Variants in F10 observed in about 807,000 individuals in gnomAD.
F10 encodes the protein Stuart-Prower factor.
In F10, 29 loss-of-function variants were observed where a neutral mutation model predicts 37.1. The observed-to-expected ratio is 0.78, with a 90% confidence interval of 0.58 to 1.07. The LOEUF is 1.07. F10 is among the 50% of genes least tolerant of loss of function. The pLI is 0.00. For synonymous variants in F10, 262 were observed against 268.6 expected (o/e 0.98, Z 0.24); for missense variants, 539 against 667.9 (o/e 0.81, Z 2.13).
At position 113,147,442 on chromosome 13, in the gene F10, A is replaced by G; in HGVS notation, c.811A>G (p.Ile271Val). Reference protein sequence around the residue: ...CGGTILSEFYILTAAHCLYQA... With the variant: ...CGGTILSEFYVLTAAHCLYQA... Reference sequence around the variant, plus strand: ...TGGAACCATTCTGAGCGAGTTCTACATCCTAACGGCAGCCCACTGTCTCTA... The same window carrying G: ...TGGAACCATTCTGAGCGAGTTCTACGTCCTAACGGCAGCCCACTGTCTCTA... The change falls in exon 7 of 8, where the codon ATC becomes GTC. Residue 271 changes from isoleucine (I) to valine (V), a missense_variant. Ile to Val is a conservative substitution (Grantham distance 29). Coordinates refer to ENST00000375559, the MANE Select transcript of F10 (RefSeq NM_000504.4). 5.0e-6 allele frequency: 8 copies of G among 1,614,066 alleles called. No homozygotes were observed. Among genetic ancestry groups the G allele is most frequent in the Non-Finnish European group, 5.9e-6 (7 of 1,179,898 alleles).
chr13:113,123,399 G>A (rs1440586294), intron 1 of F10, among the ~76,000 whole-genome samples: 5 of 152,176 alleles, frequency 3.3e-5, no homozygotes, highest in South Asian at 2.1e-4. Flanking sequence ...CACCACTCTC[G>A]GACTGGCTCC....
chr13:113,143,993 C>T lies in F10; in HGVS notation c.645C>T (p.Phe215=), dbSNP rs755257242. The change falls in exon 6 of 8, where the codon TTC becomes TTT. Residue 215 remains phenylalanine, a synonymous_variant. Transcript: ENST00000375559. The surrounding 1 kb of genome is among the most constrained non-coding windows in gnomAD (Gnocchi z 6.8). ...ACCTGGACCCCACCGAGAACCCCTT[C>T]GACCTGCTTGACTTCAACCAGACGC... ...AADLDPTENP[F]DLLDFNQTQP... The T allele has an allele frequency of 3.3e-5, 53 of 1,613,592 alleles. No homozygotes were observed. In the East Asian group the frequency reaches 8.2e-4, roughly 25 times the overall value.
Position 113,141,148 on chromosome 13 carries a change from C to A in F10, c.502+98C>A, listed in dbSNP as rs1156702275. The stretch of plus-strand genomic sequence containing the variant: ...GGTGGGGACACAGGCATGTTCTGGG[C>A]GGGCCTGGCAGGTAACAGTGACACC... On this transcript the variant is annotated intron_variant, in intron 5 of 7. Transcript: ENST00000375559. This position sits in a 1 kb window ranked among gnomAD's most constrained non-coding sequence, Gnocchi z 5.4. 6.4e-7 allele frequency: 1 copy of A among 1,550,502 alleles called. No homozygotes were observed. The highest frequency in any genetic ancestry group is 8.7e-7 in the Non-Finnish European group (1 of 1,146,134).
intron 1 of F10, among the ~76,000 whole-genome samples, chr13:113,125,614 A>C (rs923859655): frequency 1.3e-5 from 2 of 152,250 alleles, no homozygotes; most frequent in African/African-American, 4.8e-5. Flanking sequence ...CATTTTACTC[A>C]CATCAGAAAG....
In F10 at chr13:113,139,873, A is replaced by C. The variant is rs1052615437; in HGVS notation, c.370+403A>C. ...AATCACCTCTTATTTATGTGTATGG[A>C]TGCAGGTGTCAATATTTGTGAATAT... On this transcript the variant is annotated intron_variant, in intron 4 of 7. Transcript: ENST00000375559. The surrounding 1 kb of genome is among the most constrained non-coding windows in gnomAD (Gnocchi z 5.2). 7.2e-5 allele frequency among the ~76,000 whole-genome samples: 11 copies of C among 152,096 alleles called. No homozygotes were observed. The highest frequency in any genetic ancestry group is 2.7e-4 in the African/African-American group (11 of 41,400).
rs765916051 is a variant in F10, at chr13:113,122,812, C to A, written c.-44C>A. 2.1e-5 allele frequency: 34 copies of A among 1,601,034 alleles called. No individual in the cohort carries two copies. Among genetic ancestry groups the A allele is most frequent in the Non-Finnish European group, 2.6e-5 (31 of 1,175,898 alleles). On this transcript the variant is annotated 5_prime_UTR_variant, in exon 1 of 8. Transcript: ENST00000375559. The stretch of plus-strand genomic sequence containing the variant: ...AGCTGGGGCGTGGACTTTGCTCCAG[C>A]AGCCTGTCCCAGTGAGGACAGGGAC...
chr13:113,129,985 C>CGCCCGCA lies in F10; in HGVS notation c.231+380_231+386dup, dbSNP rs1237466683. ...AGTGAGCTGAGATCGTGCCCTCCCA[C>CGCCCGCA]GCCCGCAGCCCGCGTCCTGCCTTGG... On this transcript the variant is annotated intron_variant, in intron 2 of 7. Coordinates refer to ENST00000375559, the MANE Select transcript of F10 (RefSeq NM_000504.4). The CGCCCGCA allele has an allele frequency of 1.2e-5, 4 of 341,390 alleles. No homozygotes were observed. The Admixed American group carries it at 1.6e-4, about 14-fold the overall frequency. The allele number at this position is 341,390 out of a possible 1,614,324, so 21.1% of individuals were successfully genotyped here.
chr13:113,127,484 G>C (rs564869605), intron 1 of F10, among the ~76,000 whole-genome samples: 2 of 152,332 alleles, frequency 1.3e-5, no homozygotes, highest in East Asian at 3.9e-4. Flanking sequence ...CTGTCAAAAT[G>C]AAAAGAGGAG....
At chr13:113,129,404 TG>T in intron 1 of F10, 47 bp from the exon 2 acceptor site, 1 of 1,611,590 alleles carries the variant, frequency 6.2e-7, no homozygotes, top group Non-Finnish European at 8.5e-7. Context: ...AGGGGGAGCC[TG>T]GGTGAGGGTG....
At chr13:113,131,681 T>C (rs1243506501) in intron 2 of F10, 3 of 152,250 alleles carry the variant, frequency 2.0e-5, no homozygotes, top group Admixed American at 1.3e-4. Context: ...CCCACATTTA[T>C]CTGTTATCAC....
intron 2 of F10, among the ~76,000 whole-genome samples, chr13:113,134,772 T>A (rs1057491432): frequency 6.6e-6 from 1 of 152,236 alleles, no homozygotes; most frequent in African/African-American, 2.4e-5. Context: ...CAAAAATTTT[T>A]AAATGCCATT....
intron 2 of F10, among the ~76,000 whole-genome samples, chr13:113,133,038 G>T (rs1231077091): frequency 6.6e-6 from 1 of 152,136 alleles, no homozygotes; most frequent in African/African-American, 2.4e-5. Context: ...AAAGTATTTT[G>T]AGCTGAACAA....
chr13:113,147,679 G>A (rs1200358275), intron 7 of F10, among the ~76,000 whole-genome samples, 183 bp downstream of exon 7: 1 of 152,138 alleles, frequency 6.6e-6, no homozygotes, highest in Non-Finnish European at 1.5e-5. Flanking sequence ...GGAAGAGTGG[G>A]GAGGAGGACG....
chr13:113,138,460 G>T lies in F10; in HGVS notation c.235G>T (p.Glu79Ter). ...EVFEDSDKTN[E>*]FWNKYKDGDQ... ...TAAATTTCTTTTTTCCTTTTAGAAT[G>T]AATTCTGGAATAAATACAAAGGTCA... The change falls in exon 3 of 8, where the codon GAA (glutamate) becomes TAA (stop). Residue 79 changes from glutamate to a stop codon, truncating the protein, a stop_gained. Transcript: ENST00000375559. LOFTEE classifies it high-confidence loss of function. 1 of 1,335,278 alleles carries T rather than the reference G, an allele frequency of 7.5e-7. No individual in the cohort carries two copies. Among genetic ancestry groups the T allele is most frequent in the South Asian group, 1.2e-5 (1 of 82,008 alleles). 82.7% of individuals were successfully genotyped at this position (1,335,278 alleles called of 1,614,324 possible).
At chr13:113,145,321 A>G (rs1282876328) in intron 6 of F10, among the ~76,000 whole-genome samples, 1 of 152,236 alleles carries the variant, frequency 6.6e-6, no homozygotes, top group East Asian at 1.9e-4. Flanking sequence ...CCACTATACC[A>G]GGTCCTAATC....
At chr13:113,145,001 C>G (rs939317429) in intron 6 of F10, among the ~76,000 whole-genome samples, 1 of 152,198 alleles carries the variant, frequency 6.6e-6, no homozygotes, top group Non-Finnish European at 1.5e-5. Flanking sequence ...GCTTCAGCCT[C>G]CCGAGTAGCT....
intron 1 of F10, among the ~76,000 whole-genome samples, chr13:113,127,871 T>C (rs941803545): frequency 3.3e-5 from 5 of 152,154 alleles, no homozygotes; most frequent in Non-Finnish European, 7.3e-5. Flanking sequence ...GGGGCACAGC[T>C]TGAGCCAAAG....
In F10 at chr13:113,122,887, G is replaced by A. The variant is rs375632041; in HGVS notation, c.32G>A (p.Ser11Asn). Residue 11 changes from serine to asparagine, a missense_variant, in exon 1 of 8, where the codon AGT (serine) becomes AAT (asparagine). This residue lies in a region of F10 where 130 missense variants were observed against 120.0 expected (regional missense o/e 1.08). Transcript: ENST00000375559. ...CGCCCACTGCACCTCGTCCTGCTCA[G>A]TGCCTCCCTGGCTGGCCTCCTGCTG... MGRPLHLVLL[S>N]ASLAGLLLLG... The A allele has an allele frequency of 1.2e-6, 2 of 1,610,950 alleles. No individual in the cohort carries two copies. Among genetic ancestry groups the A allele is most frequent in the South Asian group, 2.2e-5 (2 of 91,086 alleles).
rs761589067 is a variant in F10 at position 113,144,079 on chromosome 13, G to A, written c.731G>A (p.Gly244Glu). Residue 244 changes from glycine (G) to glutamate (E), a missense_variant, in exon 6 of 8, where the codon GGG becomes GAG. By Grantham distance (98) the Gly-to-Glu change is moderately conservative. Transcript: ENST00000375559. The surrounding 1 kb of genome is among the most constrained non-coding windows in gnomAD (Gnocchi z 6.4). ...GTGGGAGGCCAGGAATGCAAGGACG[G>A]GGAGTGTCCCTGGCAGGTAACAGTA... is the stretch of plus-strand genomic sequence containing the variant. ...RIVGGQECKD[G>E]ECPWQALLIN... The A allele has an allele frequency of 1.2e-6, 2 of 1,613,954 alleles. No homozygotes were observed. Among genetic ancestry groups the A allele is most frequent in the Non-Finnish European group, 1.7e-6 (2 of 1,180,030 alleles).
Sources: gnomAD v4.1 joint callset for allele counts (sites outside exome capture counted in the v4.1 genomes callset) on GRCh38, gnomAD v4.1.1 for gene constraint, gnomAD v4.1.1 regional missense constraint, Gnocchi (gnomAD v3.1) non-coding constraint, MANE v1.5 for transcripts, NCBI Gene and HGNC (gene_info 2026-07-23, HGNC 2026-07-21) for gene names.